ERAP1: variants seen among roughly 807,000 people sequenced by gnomAD.
The protein encoded by ERAP1 is endoplasmic reticulum aminopeptidase 1.
Under a neutral mutation model 103.7 loss-of-function variants are expected in ERAP1, and 86 were observed. That is an observed-to-expected ratio of 0.83 (90% CI 0.70 to 0.99). ERAP1 has a LOEUF of 0.99. Ranked by LOEUF, ERAP1 falls within the 50% of genes least tolerant of loss-of-function variation. The pLI, the probability that ERAP1 is intolerant of heterozygous loss-of-function variation, is 0.00. For synonymous variants in ERAP1, 398 were observed against 402.4 expected (o/e 0.99, Z 0.13); for missense variants, 1,009 against 1,128.4 (o/e 0.89, Z 1.52).
At position 96,776,488 on chromosome 5, in the gene ERAP1, TTGTC is replaced by T. The variant is rs886351135; in HGVS notation, c.2730_2733del (p.Thr911LeufsTer54). ...CCGATGTTTTCTTCAATGGTTTCAA[TTGTC>T]TGTTGGACACAACGGAGCTGAGAAC... On this transcript the variant is annotated frameshift_variant, in exon 19 of 19. Coordinates refer to ENST00000443439, the MANE Select transcript of ERAP1 (RefSeq NM_001040458.3). LOFTEE classifies it high-confidence loss of function. 6.2e-7 allele frequency: 1 copy of T among 1,614,094 alleles called. No individual in the cohort carries two copies. Among genetic ancestry groups the T allele is most frequent in the Non-Finnish European group, 8.5e-7 (1 of 1,180,046 alleles).
chr5:96,869,411 A>G, the ERAP1 span, among the ~76,000 whole-genome samples: 1 of 152,146 alleles, frequency 6.6e-6, no homozygotes. Context: ...AGAAGACTCT[A>G]TTTACTCCTG....
At chr5:96,900,247 T>G in the ERAP1 span, 1 of 1,606,090 alleles carries the variant, frequency 6.2e-7, no homozygotes, top group African/African-American at 1.3e-5. Context: ...TGACCTAGAG[T>G]GAGTATGACA....
intron 18 of ERAP1, among the ~76,000 whole-genome samples, chr5:96,778,503 G>A (rs1774678060): frequency 6.6e-6 from 1 of 152,162 alleles, no homozygotes; most frequent in Non-Finnish European, 1.5e-5. Context: ...AGCAGAAGGA[G>A]GCTGAGTGGC....
chr5:96,849,716 T>C, the ERAP1 span, among the ~76,000 whole-genome samples: 1 of 152,134 alleles, frequency 6.6e-6, no homozygotes, highest in Non-Finnish European at 1.5e-5. Context: ...GTAATCCCTA[T>C]CAAAATTATC....
chr5:96,911,678 C>G, the ERAP1 span, among the ~76,000 whole-genome samples: 10 of 151,684 alleles, frequency 6.6e-5, no homozygotes, highest in Non-Finnish European at 1.2e-4. Flanking sequence ...TTGAGACCAG[C>G]CTTGTCAACA....
the ERAP1 span, among the ~76,000 whole-genome samples, chr5:96,822,320 G>A: frequency 6.6e-5 from 10 of 152,128 alleles, no homozygotes; most frequent in Non-Finnish European, 1.2e-4. Flanking sequence ...CTAGCAGGAA[G>A]CCCAGAAATC....
the ERAP1 span, chr5:96,935,258 G>A: frequency 1.3e-5 from 2 of 152,240 alleles, no homozygotes; most frequent in Admixed American, 1.3e-4. Flanking sequence ...ATCCGGCGCC[G>A]GGTTTTGTTA....
chr5:96,807,547 G>A (rs1270616347), intron 1 of ERAP1, among the ~76,000 whole-genome samples: 1 of 152,102 alleles, frequency 6.6e-6, no homozygotes, highest in African/African-American at 2.4e-5. Context: ...CAGGCGCACC[G>A]GCCACGCGCC....
the ERAP1 span, among the ~76,000 whole-genome samples, chr5:96,877,725 C>T: frequency 8.2e-6 from 1 of 121,688 alleles, no homozygotes; most frequent in Non-Finnish European, 1.7e-5. Context: ...CATAATAAGC[C>T]ACTCCATTTT....
chr5:96,785,833 C>T lies in ERAP1; in HGVS notation c.1898G>A (p.Ser633Asn), dbSNP rs1005330561. 2 of 1,614,168 alleles carry T rather than the reference C, an allele frequency of 1.2e-6. No individual in the cohort carries two copies. The highest frequency in any genetic ancestry group is 1.7e-6 in the Non-Finnish European group (2 of 1,180,006). The change falls in exon 13 of 19, where the codon AGT (serine) becomes AAT (asparagine). Residue 633 changes from serine (S) to asparagine (N), a missense_variant. Ser to Asn is a conservative substitution (Grantham distance 46). This residue lies in a region of ERAP1 where 611 missense variants were observed against 651.7 expected (regional missense o/e 0.94). Transcript: ENST00000443439. The part of the protein sequence containing the change: ...LLKGTHTAVS[S>N]NDRASLINNA... ...GTTAATGAGACTCGCCCGATCATTA[C>T]TGCTGACTGCTGTGTGTGTTCCTTT... is the stretch of plus-strand genomic sequence containing the variant.
At chr5:96,924,336 G>C in the ERAP1 span, among the ~76,000 whole-genome samples, 1 of 152,110 alleles carries the variant, frequency 6.6e-6, no homozygotes, top group African/African-American at 2.4e-5. Context: ...ATCAGCCAAA[G>C]GGAGGAAAAA....
the ERAP1 span, chr5:96,896,869 T>G: frequency 6.4e-7 from 1 of 1,571,826 alleles, no homozygotes; most frequent in Non-Finnish European, 8.6e-7. Flanking sequence ...CAAATGTAAG[T>G]CATATGTTGG....
In ERAP1 at chr5:96,766,118, C is replaced by T. The variant is rs61733809; in HGVS notation, c.2819-2890G>A. ...GAGATGACACTATCCCACCTGAATACAGACATCTCCTGGATGATAATGGAC... is the reference window on the plus strand; with the variant it reads ...GAGATGACACTATCCCACCTGAATATAGACATCTCCTGGATGATAATGGAC... On this transcript the variant is annotated intron_variant, in intron 19 of 19. Coordinates refer to the ERAP1 transcript ENST00000296754. The T allele has an allele frequency of 5.1e-3, 8,156 of 1,607,712 alleles. 40 individuals are homozygous for T. The highest frequency in any genetic ancestry group is 6.3e-3 in the Non-Finnish European group (7,393 of 1,174,750).
chr5:96,862,678 A>T, the ERAP1 span, among the ~76,000 whole-genome samples: 1 of 152,296 alleles, frequency 6.6e-6, no homozygotes, highest in Middle Eastern at 3.4e-3. Flanking sequence ...CTGTTGTTTC[A>T]TTTTAAGCTG....
chr5:96,900,996 A>G, the ERAP1 span, among the ~76,000 whole-genome samples: 2 of 152,192 alleles, frequency 1.3e-5, no homozygotes, highest in East Asian at 3.8e-4. Flanking sequence ...AAGGTTCAGC[A>G]TCATCCAGTG....
the ERAP1 span, among the ~76,000 whole-genome samples, chr5:96,840,038 G>T: frequency 0.26 from 39,930 of 151,914 alleles, 5,331 homozygotes; most frequent in East Asian, 0.3. Context: ...ATAATCTCAG[G>T]TATTATCTGA....
At chr5:96,794,989 T>C (rs1296474217) in intron 5 of ERAP1, 53 bp downstream of exon 5, 1 of 1,605,240 alleles carries the variant, frequency 6.2e-7, no homozygotes, top group Non-Finnish European at 8.5e-7. Context: ...TAATGACAAA[T>C]CTATGACTGT....
At chr5:96,806,055 C>T (rs1323708716) in intron 1 of ERAP1, 1 of 152,180 alleles carries the variant, frequency 6.6e-6, no homozygotes, top group Non-Finnish European at 1.5e-5. Context: ...GGTAAAAACT[C>T]CATGTAGTGA....
intron 18 of ERAP1, among the ~76,000 whole-genome samples, chr5:96,779,142 T>C (rs1774790815): frequency 6.6e-6 from 1 of 152,212 alleles, no homozygotes; most frequent in African/African-American, 2.4e-5. Context: ...CTACTTGACA[T>C]TGGTTGATTT....
Sources: gnomAD v4.1 joint callset for allele counts (sites outside exome capture counted in the v4.1 genomes callset) on GRCh38, gnomAD v4.1.1 for gene constraint, gnomAD v4.1.1 regional missense constraint, MANE v1.5 for transcripts, NCBI Gene and HGNC (gene_info 2026-07-23, HGNC 2026-07-21) for gene names.